WWTR1: variants seen among roughly 807,000 people sequenced by gnomAD.
WWTR1 encodes WW domain-containing transcription regulator protein 1.
WWTR1 carries 13 observed loss-of-function variants against 40.1 expected under a neutral mutation model. That is an observed-to-expected ratio of 0.32 (90% CI 0.21 to 0.52). The LOEUF is 0.52. Ranked by LOEUF, WWTR1 falls within the 20% of genes least tolerant of loss-of-function variation. The probability of loss-of-function intolerance (pLI) is 0.97; values close to 1 mark genes in which losing one functional copy is unlikely to be tolerated. For synonymous variants in WWTR1, 230 were observed against 210.1 expected (o/e 1.09, Z -0.82); for missense variants, 436 against 523.1 (o/e 0.83, Z 1.63).
Position 149,542,371 on chromosome 3 carries a change from T to G in WWTR1, c.735A>C (p.Glu245Asp), listed in dbSNP as rs765062980. ...LRLQRIQMER[E>D]RIRMRQEELM... is the part of the protein sequence containing the mutation. ...GCTCCTCTTGGCGCATTCGAATCCT[T>G]TCTCTCTCCATCTGGATTCTCTGAA... The change falls in exon 4 of 7, where the codon GAA (glutamate) becomes GAC (aspartate). Residue 245 changes from glutamate to aspartate, a missense_variant. Transcript: ENST00000360632. 6.2e-7 allele frequency: 1 copy of G among 1,614,030 alleles called. No individual in the cohort carries two copies.
chr3:149,532,927 G>A (rs1231679864), intron 4 of WWTR1, among the ~76,000 whole-genome samples: 1 of 152,232 alleles, frequency 6.6e-6, no homozygotes, highest in Non-Finnish European at 1.5e-5. Context: ...AGGGGTGACA[G>A]TTGGTCAAGG....
intron 2 of WWTR1, among the ~76,000 whole-genome samples, chr3:149,655,316 G>A (rs771963397): frequency 1.4e-4 from 21 of 151,808 alleles, no homozygotes; most frequent in Non-Finnish European, 3.1e-4. Context: ...GTGGTGGTGG[G>A]TGCCTGTAAT....
intron 2 of WWTR1, among the ~76,000 whole-genome samples, chr3:149,591,897 T>C (rs1196149224): frequency 2.6e-5 from 4 of 151,070 alleles, no homozygotes; most frequent in Non-Finnish European, 5.9e-5. Context: ...CGGGAGGGGG[T>C]AGGAGAAAGA....
chr3:149,705,144 A>G (rs1026232758), upstream of WWTR1, among the ~76,000 whole-genome samples: 1 of 152,152 alleles, frequency 6.6e-6, no homozygotes, highest in African/African-American at 2.4e-5. Context: ...GGAAAGAAAA[A>G]ACAATCAGAG....
intron 4 of WWTR1, among the ~76,000 whole-genome samples, chr3:149,721,255 T>C (rs754023481): frequency 1.3e-5 from 2 of 152,240 alleles, no homozygotes; most frequent in African/African-American, 2.4e-5. Context: ...AGACAGCTTT[T>C]GTTATGTTGA....
intron 6 of WWTR1, among the ~76,000 whole-genome samples, chr3:149,524,706 A>G (rs1169944647): frequency 6.6e-6 from 1 of 152,210 alleles, no homozygotes; most frequent in African/African-American, 2.4e-5. Context: ...AATGTACTGC[A>G]TTTGTAAGAC....
chr3:149,670,240 C>T (rs1347058668), intron 1 of WWTR1, among the ~76,000 whole-genome samples: 1 of 152,152 alleles, frequency 6.6e-6, no homozygotes, highest in Non-Finnish European at 1.5e-5. Flanking sequence ...AAGCATTTAC[C>T]CACATGGTTT....
intron 5 of WWTR1, among the ~76,000 whole-genome samples, chr3:149,709,797 G>T (rs1225392864): frequency 6.6e-6 from 1 of 152,226 alleles, no homozygotes; most frequent in East Asian, 1.9e-4. Context: ...CCAGCTACTC[G>T]AGAGGCTGAG....
intron 4 of WWTR1, chr3:149,540,341 A>C: frequency 2.2e-6 from 1 of 452,348 alleles, no homozygotes; most frequent in Non-Finnish European, 4.5e-6. Context: ...TACAGCTGGA[A>C]TAAAGGAAAC....
At chr3:149,563,021 G>A (rs1422109867) in intron 3 of WWTR1, among the ~76,000 whole-genome samples, 1 of 152,048 alleles carries the variant, frequency 6.6e-6, no homozygotes, top group South Asian at 2.1e-4. Context: ...GAATCCCACT[G>A]CCTGCCTTTC....
At chr3:149,602,090 A>G (rs1739272054) in intron 2 of WWTR1, among the ~76,000 whole-genome samples, 1 of 152,232 alleles carries the variant, frequency 6.6e-6, no homozygotes, top group Non-Finnish European at 1.5e-5. Context: ...TCCTACTAGA[A>G]AAACTACCAA....
At chr3:149,635,407 G>A (rs1392425681) in intron 2 of WWTR1, among the ~76,000 whole-genome samples, 4 of 152,100 alleles carry the variant, frequency 2.6e-5, no homozygotes, top group African/African-American at 9.7e-5. Context: ...CCATGAAATG[G>A]AGTAACGTAT....
chr3:149,682,878 T>C (rs985003774), intron 1 of WWTR1, among the ~76,000 whole-genome samples: 4 of 152,018 alleles, frequency 2.6e-5, no homozygotes, highest in African/African-American at 9.7e-5. Flanking sequence ...TGGAAAGCTG[T>C]AAGAAGCCAC....
chr3:149,594,700 C>T (rs539678189), intron 2 of WWTR1, among the ~76,000 whole-genome samples: 1 of 151,290 alleles, frequency 6.6e-6, no homozygotes, highest in Non-Finnish European at 1.5e-5. Context: ...GGATCCTGCA[C>T]TGGGGAAAAC....
intron 2 of WWTR1, among the ~76,000 whole-genome samples, chr3:149,605,373 A>G (rs1739438592): frequency 6.6e-6 from 1 of 152,146 alleles, no homozygotes; most frequent in Admixed American, 6.5e-5. Context: ...AGTGACCTAC[A>G]CTAGAAAACA....
chr3:149,680,832 G>A (rs1198566995), intron 1 of WWTR1, among the ~76,000 whole-genome samples: 3 of 152,040 alleles, frequency 2.0e-5, no homozygotes, highest in African/African-American at 7.2e-5. Flanking sequence ...ACAGAGCAAG[G>A]CCCTGTCTCT....
At chr3:149,679,204 C>A (rs952971012) in intron 1 of WWTR1, among the ~76,000 whole-genome samples, 1 of 152,134 alleles carries the variant, frequency 6.6e-6, no homozygotes, top group African/African-American at 2.4e-5. Flanking sequence ...TGTTGTTTTC[C>A]TCTCTGACTT....
intron 3 of WWTR1, among the ~76,000 whole-genome samples, chr3:149,557,863 C>T (rs1223114472): frequency 6.6e-6 from 1 of 151,684 alleles, no homozygotes; most frequent in East Asian, 1.9e-4. Context: ...ATTAGACAAG[C>T]GTGGCGGTGT....
intron 2 of WWTR1, among the ~76,000 whole-genome samples, chr3:149,632,844 A>G (rs570502236): frequency 6.6e-6 from 1 of 152,318 alleles, no homozygotes; most frequent in East Asian, 1.9e-4. Context: ...CAATTTCCAG[A>G]ATAAACAAAG....
Sources: gnomAD v4.1 joint callset for allele counts (sites outside exome capture counted in the v4.1 genomes callset) on GRCh38, gnomAD v4.1.1 for gene constraint, MANE v1.5 for transcripts, NCBI Gene and HGNC (gene_info 2026-07-23, HGNC 2026-07-21) for gene names.